The following SRPK2 variants were observed in gnomAD, a reference collection of about 807,000 sequenced individuals.
The protein encoded by SRPK2 is SFRS protein kinase 2.
In SRPK2, 21 loss-of-function variants were observed where a neutral mutation model predicts 90.8. That is an observed-to-expected ratio of 0.23 (90% CI 0.16 to 0.33). SRPK2 has a LOEUF of 0.33. Among genes scored for constraint, SRPK2 ranks in the 10% least tolerant of loss-of-function variants. The pLI is 1.00. For synonymous variants in SRPK2, 288 were observed against 311.1 expected, an observed-to-expected ratio of 0.93 and a Z score of 0.78; for missense variants, 620 against 869.0, an observed-to-expected ratio of 0.71 and a Z score of 3.60.
rs1335811605 is a variant in SRPK2 at position 105,380,522 on chromosome 7, T to A, written c.71+8126A>T. On this transcript the variant is annotated intron_variant, in intron 2 of 15. Coordinates refer to ENST00000393651, the MANE Select transcript of SRPK2 (RefSeq NM_182692.3). The stretch of plus-strand genomic sequence containing the variant: ...GATACCCTAAATTAACATGCTAAAA[T>A]TTTTTTTTTTTTTTTTTTTGAGATG... Among the ~76,000 whole-genome samples the A allele has an allele frequency of 9.9e-4, 9 of 9,124 alleles. No homozygotes were observed. The South Asian group carries it at 0.018, about 18-fold the overall frequency. 6.0% of individuals were successfully genotyped at this position (9,124 alleles called of 152,430 possible). A position where few individuals can be genotyped will look rare whatever the true frequency, so the allele number is the denominator to read the frequency against.
At position 105,142,182 on chromosome 7, in the gene SRPK2, G is replaced by T; in HGVS notation, c.1369C>A (p.Pro457Thr). The change falls in exon 11 of 16, where the codon CCC becomes ACC. Residue 457 changes from proline to threonine, a missense_variant. Physicochemically the swap from Pro to Thr is conservative, Grantham distance 38. Transcript: ENST00000393651. ...GAAAACTCTGGGAACTGTGACTCGGGAATTTTATGTCGTCCATTTGGCAAT... is the reference window on the plus strand; with the variant it reads ...GAAAACTCTGGGAACTGTGACTCGGTAATTTTATGTCGTCCATTTGGCAAT... Reference protein sequence around the residue: ...GELPNGRHKIPESQFPEFSTS... With the variant: ...GELPNGRHKITESQFPEFSTS... The T allele has an allele frequency of 6.2e-7, 1 of 1,614,084 alleles. No individual in the cohort carries two copies. The highest frequency in any genetic ancestry group is 1.1e-5 in the South Asian group (1 of 91,080).
chr7:105,175,772 G>A (rs181448466), intron 3 of SRPK2, among the ~76,000 whole-genome samples: 2 of 150,478 alleles, frequency 1.3e-5, no homozygotes, highest in East Asian at 2.2e-4. Context: ...TAGATAAAAT[G>A]GACAAATACC....
intron 2 of SRPK2, among the ~76,000 whole-genome samples, chr7:105,206,883 G>A (rs1334120876): frequency 6.6e-6 from 1 of 152,200 alleles, no homozygotes; most frequent in African/African-American, 2.4e-5. Context: ...GGGCATTTCA[G>A]CCTCACGTTG....
chr7:105,260,287 C>T (rs1804025927), intron 2 of SRPK2, among the ~76,000 whole-genome samples: 1 of 152,196 alleles, frequency 6.6e-6, no homozygotes, highest in African/African-American at 2.4e-5. Context: ...AAAAAATGCT[C>T]ATCATCACTG....
chr7:105,371,620 G>T (rs1819701852), intron 2 of SRPK2, among the ~76,000 whole-genome samples: 1 of 151,030 alleles, frequency 6.6e-6, no homozygotes, highest in Non-Finnish European at 1.5e-5. Context: ...GTCAGGTATG[G>T]TAGGTAGTGC....
At chr7:105,245,074 C>CA in intron 2 of SRPK2, 2 of 609,178 alleles carry the variant, frequency 3.3e-6, no homozygotes, top group Admixed American at 2.6e-5. Context: ...CACACACACA[C>CA]CTCTTTTTCT....
chr7:105,341,289 G>C lies in SRPK2; in HGVS notation c.71+47359C>G, dbSNP rs140532903. ...TGAGGCAAGAGAATCACTGGAACCT[G>C]GGAGGCAGATGTGAGCCAAGATCGT... On this transcript the variant is annotated intron_variant, in intron 2 of 15. Transcript: ENST00000393651. 1.0e-4 allele frequency among the ~76,000 whole-genome samples: 15 copies of C among 150,048 alleles called. No homozygotes were observed. The East Asian group carries it at 3.0e-3, about 30-fold the overall frequency.
At chr7:105,380,016 C>T (rs1820759170) in intron 2 of SRPK2, among the ~76,000 whole-genome samples, 1 of 152,176 alleles carries the variant, frequency 6.6e-6, no homozygotes, top group Non-Finnish European at 1.5e-5. Flanking sequence ...GTGGTAGGCA[C>T]CTGCAGTCCC....
At chr7:105,194,181 A>G (rs983028466) in intron 3 of SRPK2, among the ~76,000 whole-genome samples, 2 of 152,098 alleles carry the variant, frequency 1.3e-5, no homozygotes, top group South Asian at 4.1e-4. Context: ...GGTTGTGAAG[A>G]TATTCTCTTA....
At chr7:105,358,745 T>C (rs960835067) in intron 2 of SRPK2, among the ~76,000 whole-genome samples, 3 of 152,066 alleles carry the variant, frequency 2.0e-5, no homozygotes, top group African/African-American at 7.2e-5. Flanking sequence ...CTATTTGTCT[T>C]AGTCTATTTT....
intron 2 of SRPK2, among the ~76,000 whole-genome samples, chr7:105,367,859 G>A (rs1819250864): frequency 6.6e-6 from 1 of 152,010 alleles, no homozygotes; most frequent in South Asian, 2.1e-4. Context: ...TATTTCTAGG[G>A]TACATAGTTC....
At chr7:105,351,752 C>T (rs1182409648) in intron 2 of SRPK2, among the ~76,000 whole-genome samples, 1 of 143,688 alleles carries the variant, frequency 7.0e-6, no homozygotes, top group Non-Finnish European at 1.5e-5. Flanking sequence ...TGCAGTGAGC[C>T]AAGATTGTGC....
chr7:105,136,820 C>A (rs1414954240), intron 11 of SRPK2, among the ~76,000 whole-genome samples: 1 of 152,202 alleles, frequency 6.6e-6, no homozygotes, highest in Admixed American at 6.5e-5. Flanking sequence ...AATGTTGCCA[C>A]CTCAACCATT....
At chr7:105,229,448 A>G (rs1484988614) in intron 2 of SRPK2, among the ~76,000 whole-genome samples, 1 of 150,640 alleles carries the variant, frequency 6.6e-6, no homozygotes. Flanking sequence ...TGGGCGACAG[A>G]GCAAGACTCC....
chr7:105,256,278 G>A (rs1306621262), intron 2 of SRPK2, among the ~76,000 whole-genome samples: 4 of 152,174 alleles, frequency 2.6e-5, no homozygotes, highest in Non-Finnish European at 5.9e-5. Flanking sequence ...AATCTGAAGA[G>A]GAGATACTCT....
intron 2 of SRPK2, among the ~76,000 whole-genome samples, chr7:105,373,281 TAAAC>T (rs1484590157): frequency 1.3e-5 from 2 of 151,728 alleles, no homozygotes; most frequent in East Asian, 1.9e-4. Flanking sequence ...CCATCAACGA[TAAAC>T]AAACGTAATA....
intron 2 of SRPK2, among the ~76,000 whole-genome samples, chr7:105,323,021 A>G (rs969315935): frequency 1.3e-5 from 2 of 152,110 alleles, no homozygotes; most frequent in African/African-American, 4.8e-5. Flanking sequence ...CAACATGGTG[A>G]AATCCTGTCT....
intron 2 of SRPK2, among the ~76,000 whole-genome samples, chr7:105,217,300 T>C (rs1028947599): frequency 6.6e-6 from 1 of 152,180 alleles, no homozygotes; most frequent in African/African-American, 2.4e-5. Context: ...AAAGGCAGTA[T>C]TTGGTGAGAA....
intron 2 of SRPK2, among the ~76,000 whole-genome samples, chr7:105,333,265 A>G (rs1814661359): frequency 6.6e-6 from 1 of 152,252 alleles, no homozygotes; most frequent in Non-Finnish European, 1.5e-5. Flanking sequence ...TGATGTATGA[A>G]ATGTTACATT....
Sources: gnomAD v4.1 joint callset for allele counts (sites outside exome capture counted in the v4.1 genomes callset) on GRCh38, gnomAD v4.1.1 for gene constraint, MANE v1.5 for transcripts, NCBI Gene and HGNC (gene_info 2026-07-23, HGNC 2026-07-21) for gene names.